SLC44A5: variants seen among roughly 807,000 people sequenced by gnomAD.
The protein encoded by SLC44A5 is choline transporter-like protein 5.
SLC44A5 carries 57 observed loss-of-function variants against 101.8 expected under a neutral mutation model. The ratio of observed to expected loss-of-function variants is 0.56; its 90% CI spans 0.45 to 0.70. The LOEUF (loss-of-function observed/expected upper bound fraction) is 0.70. SLC44A5 is among the 30% of genes least tolerant of loss of function. SLC44A5 has a pLI of 0.00. For synonymous variants in SLC44A5, 281 were observed against 290.9 expected, an observed-to-expected ratio of 0.97 and a Z score of 0.35; for missense variants, 737 against 853.1, an observed-to-expected ratio of 0.86 and a Z score of 1.70.
intron 2 of SLC44A5, among the ~76,000 whole-genome samples, chr1:75,435,182 T>C (rs2101608293): frequency 6.6e-6 from 1 of 152,282 alleles, no homozygotes; most frequent in East Asian, 1.9e-4. Flanking sequence ...TACTTAGATG[T>C]ATTCTGTTCA....
chr1:75,288,050 G>A (rs929752645), intron 5 of SLC44A5, among the ~76,000 whole-genome samples: 24 of 152,144 alleles, frequency 1.6e-4, no homozygotes, highest in African/African-American at 5.8e-4. Context: ...CCAAGAGGTT[G>A]TGTCCTTTGT....
intron 5 of SLC44A5, among the ~76,000 whole-genome samples, chr1:75,284,650 A>G (rs1652892524): frequency 6.6e-6 from 1 of 152,094 alleles, no homozygotes; most frequent in South Asian, 2.1e-4. Flanking sequence ...TGCGTTTTTC[A>G]TAAATGGCTT....
intron 1 of SLC44A5, among the ~76,000 whole-genome samples, chr1:75,563,124 A>G (rs1188646090): frequency 3.9e-5 from 6 of 152,208 alleles, no homozygotes; most frequent in Non-Finnish European, 8.8e-5. Flanking sequence ...TCTTTATAAA[A>G]GTATGGATAT....
In SLC44A5 at chr1:75,497,480, G is replaced by C. The variant is rs192389163; in HGVS notation, c.13+43955C>G. ...GTACAATGGTGATTTCCTGGAGTGTGGGGGGAGTGGTAGGTGGAGATGCTG... is the reference window on the plus strand; with the variant it reads ...GTACAATGGTGATTTCCTGGAGTGTCGGGGGAGTGGTAGGTGGAGATGCTG... On this transcript the variant is annotated intron_variant, in intron 2 of 23. Coordinates refer to ENST00000370859, the MANE Select transcript of SLC44A5 (RefSeq NM_001130058.2). Among the ~76,000 whole-genome samples, 308 of 152,158 alleles carry C rather than the reference G, an allele frequency of 2.0e-3. 2 individuals are homozygous for C. Among genetic ancestry groups the C allele is most frequent in the Non-Finnish European group, 2.0e-3 (138 of 67,954 alleles).
intron 2 of SLC44A5, among the ~76,000 whole-genome samples, chr1:75,530,520 T>C (rs536455771): frequency 2.0e-5 from 3 of 152,330 alleles, no homozygotes; most frequent in African/African-American, 7.2e-5. Context: ...ATTTGGACTG[T>C]CCTAAATCTA....
the SLC44A5 span, among the ~76,000 whole-genome samples, chr1:75,628,192 C>G: frequency 6.6e-6 from 1 of 151,962 alleles, no homozygotes; most frequent in Non-Finnish European, 1.5e-5. Context: ...AGAAGTTTCC[C>G]TCTGCCTCAG....
chr1:75,630,797 T>C, the SLC44A5 span, among the ~76,000 whole-genome samples: 2 of 152,138 alleles, frequency 1.3e-5, no homozygotes, highest in East Asian at 3.9e-4. Context: ...TCACAGAAGC[T>C]CACCTGAGGT....
chr1:75,650,606 T>A, the SLC44A5 span, among the ~76,000 whole-genome samples: 2 of 152,246 alleles, frequency 1.3e-5, no homozygotes, highest in African/African-American at 4.8e-5. Context: ...TTCTTGCCTT[T>A]AGGCATATAT....
intron 4 of SLC44A5, among the ~76,000 whole-genome samples, chr1:75,329,325 G>A (rs1442573539): frequency 6.6e-6 from 1 of 151,954 alleles, no homozygotes; most frequent in Non-Finnish European, 1.5e-5. Context: ...CTGACCCCAA[G>A]AACCCAATCT....
At chr1:75,653,846 AC>A in the SLC44A5 span, among the ~76,000 whole-genome samples, 2 of 152,224 alleles carry the variant, frequency 1.3e-5, no homozygotes, top group African/African-American at 4.8e-5. Context: ...TTCTCATGTC[AC>A]ATGAAAGCAC....
chr1:75,411,134 G>A (rs1214333255), intron 2 of SLC44A5, among the ~76,000 whole-genome samples: 1 of 152,118 alleles, frequency 6.6e-6, no homozygotes, highest in African/African-American at 2.4e-5. Flanking sequence ...CGATGTCCGA[G>A]TTTTATCTAG....
At chr1:75,671,561 G>T in the SLC44A5 span, among the ~76,000 whole-genome samples, 1 of 152,138 alleles carries the variant, frequency 6.6e-6, no homozygotes, top group African/African-American at 2.4e-5. Flanking sequence ...AACAGTAATT[G>T]CCTCCATCTT....
At chr1:75,440,886 T>C (rs1272754879) in intron 2 of SLC44A5, among the ~76,000 whole-genome samples, 3 of 151,730 alleles carry the variant, frequency 2.0e-5, no homozygotes, top group Admixed American at 2.0e-4. Flanking sequence ...TTTAAGAAAG[T>C]ATGGCAGGCA....
At chr1:75,485,934 A>C (rs1225042480) in intron 2 of SLC44A5, among the ~76,000 whole-genome samples, 2 of 152,124 alleles carry the variant, frequency 1.3e-5, no homozygotes, top group Admixed American at 6.5e-5. Context: ...CTATCGTAAG[A>C]ACAGCAAGGG....
chr1:75,722,687 G>A, the SLC44A5 span, among the ~76,000 whole-genome samples: 1 of 152,162 alleles, frequency 6.6e-6, no homozygotes, highest in Non-Finnish European at 1.5e-5. Context: ...ACGAGAAGCA[G>A]GGAGCTCTCT....
intron 2 of SLC44A5, among the ~76,000 whole-genome samples, chr1:75,464,018 C>G (rs965841587): frequency 1.3e-5 from 2 of 151,872 alleles, no homozygotes; most frequent in African/African-American, 2.4e-5. Flanking sequence ...GTCAGGAAAT[C>G]AAGATCATCC....
the SLC44A5 span, chr1:75,641,341 T>A: frequency 2.1e-5 from 15 of 716,874 alleles, no homozygotes; most frequent in African/African-American, 2.3e-4. Flanking sequence ...ACATGAGGAA[T>A]CTCTTAACAT....
intron 6 of SLC44A5, among the ~76,000 whole-genome samples, chr1:75,268,975 G>T (rs1651233842): frequency 6.6e-6 from 1 of 152,020 alleles, no homozygotes; most frequent in African/African-American, 2.4e-5. Context: ...TTTCTAGGAT[G>T]AAAACTGCTG....
At chr1:75,296,366 C>CTTTTTTTTTTTT (rs200894510) in intron 5 of SLC44A5, among the ~76,000 whole-genome samples, 1 of 144,540 alleles carries the variant, frequency 6.9e-6, no homozygotes. Context: ...GTTTTTTTTT[C>CTTTTTTTTTTTT]TTTTTTTTTT....
Sources: allele counts gnomAD v4.1 joint callset (sites outside exome capture counted in the v4.1 genomes callset), GRCh38; gene constraint gnomAD v4.1.1; transcripts MANE v1.5; gene names NCBI Gene and HGNC (gene_info 2026-07-23, HGNC 2026-07-21).